MITF: variants seen among roughly 807,000 people sequenced by gnomAD.
The protein encoded by MITF is microphthalmia-associated transcription factor.
In MITF, 17 loss-of-function variants were observed where a neutral mutation model predicts 60.5. That is an observed-to-expected ratio of 0.28 (90% confidence interval 0.19 to 0.42). The LOEUF is 0.42. Ranked by LOEUF, MITF falls within the 10% of genes least tolerant of loss-of-function variation. The pLI is 1.00. For missense variants in MITF, 622 were observed against 683.5 expected (o/e 0.91, Z 1.00); for synonymous variants, 260 against 248.5 (o/e 1.05, Z -0.43).
chr3:69,744,211 C>T (rs1703637202), intron 1 of MITF, among the ~76,000 whole-genome samples: 1 of 152,182 alleles, frequency 6.6e-6, no homozygotes, highest in Admixed American at 6.5e-5. Flanking sequence ...AGGCCGCTGC[C>T]ATTTCTTGGA....
Position 69,937,822 on chromosome 3 carries a change from G to T in MITF, c.355G>T (p.Val119Leu). ...ATQVPMEVLK[V>L]QTHLENPTKY... ...CTTTTCCCTCCATGGCTATGTTCAG[G>T]TGCAGACCCACCTCGAAAACCCCAC... Residue 119 changes from valine (V) to leucine (L), a missense_variant and splice_region_variant, in exon 3 of 10, where the codon GTG (valine) becomes TTG (leucine). Coordinates refer to ENST00000352241, the MANE Select transcript of MITF (RefSeq NM_001354604.2). The T allele has an allele frequency of 6.2e-7, 1 of 1,613,806 alleles. No homozygotes were observed. Among genetic ancestry groups the T allele is most frequent in the Non-Finnish European group, 8.5e-7 (1 of 1,179,826 alleles).
chr3:69,828,945 A>AGT (rs3044611), intron 1 of MITF, among the ~76,000 whole-genome samples: 23,661 of 149,932 alleles, frequency 0.16, 2,075 homozygotes, highest in South Asian at 0.21. Context: ...ATATCGTGTG[A>AGT]GTGTGTGTGT....
At chr3:69,953,155 A>G (rs1214243737) in intron 7 of MITF, among the ~76,000 whole-genome samples, 2 of 152,132 alleles carry the variant, frequency 1.3e-5, no homozygotes, top group African/African-American at 4.8e-5. Context: ...TTATCTTTTA[A>G]CCAAGAGATA....
At chr3:69,836,789 AGAAAACT>A (rs1421840122) in intron 1 of MITF, among the ~76,000 whole-genome samples, 1 of 152,230 alleles carries the variant, frequency 6.6e-6, no homozygotes, top group Non-Finnish European at 1.5e-5. Context: ...TTGTATCAAC[AGAAAACT>A]GAACCCTCCC....
rs370871859 is a variant in MITF, at chr3:69,813,872, A to G, written c.105-65262A>G. Among the ~76,000 whole-genome samples the G allele has an allele frequency of 2.1e-3, 313 of 152,322 alleles. 1 individual carries two copies. The highest frequency in any genetic ancestry group is 0.014 in the South Asian group (67 of 4,820). Reference sequence around the variant, plus strand: ...CTAGGCAATGAAAGATTGCGAATCCATTACTTTCTGGAGACCCCTTAAAAT... The same window carrying G: ...CTAGGCAATGAAAGATTGCGAATCCGTTACTTTCTGGAGACCCCTTAAAAT... On this transcript the variant is annotated intron_variant, in intron 1 of 9. Coordinates refer to ENST00000352241, the MANE Select transcript of MITF (RefSeq NM_001354604.2).
intron 1 of MITF, chr3:69,758,670 G>C (rs917555012): frequency 1.5e-5 from 3 of 201,328 alleles, no homozygotes; most frequent in African/African-American, 2.3e-5. Context: ...GACATCTCAA[G>C]GTTCCAGGAT....
intron 1 of MITF, among the ~76,000 whole-genome samples, chr3:69,788,261 A>C (rs1164272736): frequency 1.4e-5 from 2 of 147,648 alleles, no homozygotes; most frequent in East Asian, 4.2e-4. Flanking sequence ...CATTAGGTAT[A>C]TCTCCTGATG....
intron 1 of MITF, among the ~76,000 whole-genome samples, chr3:69,783,443 G>A (rs541396784): frequency 1.1e-4 from 16 of 151,242 alleles, no homozygotes; most frequent in African/African-American, 3.9e-4. Flanking sequence ...TTGTATGTGT[G>A]TGTGTGCACG....
At chr3:69,802,043 G>A (rs1256064184) in intron 1 of MITF, among the ~76,000 whole-genome samples, 4 of 152,062 alleles carry the variant, frequency 2.6e-5, no homozygotes, top group African/African-American at 9.7e-5. Context: ...CATTACTTGA[G>A]GAAAGTGGTA....
chr3:69,815,148 A>G (rs1271213308), intron 1 of MITF, among the ~76,000 whole-genome samples: 1 of 152,178 alleles, frequency 6.6e-6, no homozygotes, highest in East Asian at 1.9e-4. Flanking sequence ...ACATACAAAA[A>G]CACTGAACGA....
intron 7 of MITF, among the ~76,000 whole-genome samples, chr3:69,955,045 C>T (rs1461582907): frequency 2.0e-5 from 3 of 152,158 alleles, no homozygotes; most frequent in African/African-American, 7.2e-5. Flanking sequence ...TTATGTCATC[C>T]TCCCCTAAGA....
At chr3:69,849,424 G>A (rs1305465491) in intron 1 of MITF, among the ~76,000 whole-genome samples, 2 of 152,186 alleles carry the variant, frequency 1.3e-5, no homozygotes, top group Admixed American at 1.3e-4. Flanking sequence ...TGGCGGTGAT[G>A]ATAATGTTTA....
At chr3:69,924,125 A>G (rs2065531795) in intron 2 of MITF, among the ~76,000 whole-genome samples, 1 of 152,208 alleles carries the variant, frequency 6.6e-6, no homozygotes. Flanking sequence ...TTTTTTAAAA[A>G]ATGTTTCATT....
chr3:69,854,095 G>A (rs956104489), intron 1 of MITF, among the ~76,000 whole-genome samples: 3 of 151,902 alleles, frequency 2.0e-5, no homozygotes, highest in Non-Finnish European at 2.9e-5. Context: ...TGATCCTCCC[G>A]CCTCAGCCTC....
chr3:69,747,502 C>T (rs933938911), intron 1 of MITF, among the ~76,000 whole-genome samples: 15 of 152,206 alleles, frequency 9.9e-5, no homozygotes, highest in Non-Finnish European at 1.5e-4. Context: ...TGCCATCTTG[C>T]AAGGCTTCTG....
chr3:69,936,671 G>A lies in MITF; in HGVS notation c.355-1151G>A, dbSNP rs1166199514. The A allele has an allele frequency of 1.9e-6, 3 of 1,611,420 alleles. No homozygotes were observed. The Admixed American group carries it at 5.0e-5, about 27-fold the overall frequency. Reference sequence around the variant, plus strand: ...CAAATTGGAATTATAGAAAGTAGAGGGAGGGATAGTCTACCGTCTCTCACT... The same window carrying A: ...CAAATTGGAATTATAGAAAGTAGAGAGAGGGATAGTCTACCGTCTCTCACT... On this transcript the variant is annotated intron_variant, in intron 2 of 9. Coordinates refer to ENST00000352241, the MANE Select transcript of MITF (RefSeq NM_001354604.2).
chr3:69,804,019 A>G (rs979127209), intron 1 of MITF, among the ~76,000 whole-genome samples: 2 of 152,150 alleles, frequency 1.3e-5, no homozygotes, highest in African/African-American at 4.8e-5. Flanking sequence ...TGCTGGGCTT[A>G]TGGAAGAACT....
chr3:69,795,859 C>T (rs114801183), intron 1 of MITF, among the ~76,000 whole-genome samples: 378 of 152,248 alleles, frequency 2.5e-3, no homozygotes, highest in African/African-American at 8.6e-3. Context: ...ATATAATACA[C>T]ATTTTTAGAT....
At chr3:69,763,608 G>A (rs942280664) in intron 1 of MITF, 6 of 1,210,450 alleles carry the variant, frequency 5.0e-6, no homozygotes, top group African/African-American at 3.2e-5. Context: ...GTGGCAGAAC[G>A]TCTGCAATCG....
Sources: allele counts gnomAD v4.1 joint callset (sites outside exome capture counted in the v4.1 genomes callset), GRCh38; gene constraint gnomAD v4.1.1; transcripts MANE v1.5; gene names NCBI Gene and HGNC (gene_info 2026-07-23, HGNC 2026-07-21).